ENAH: variants seen among roughly 807,000 people sequenced by gnomAD.
ENAH encodes protein enabled homolog.
In ENAH, 23 loss-of-function variants were observed where a neutral mutation model predicts 78.7. The ratio of observed to expected loss-of-function variants is 0.29; its 90% CI spans 0.21 to 0.41. ENAH has a LOEUF of 0.41. ENAH is among the 10% of genes least tolerant of loss of function. The pLI, the probability that ENAH is intolerant of heterozygous loss-of-function variation, is 1.00. For missense variants in ENAH, 544 were observed against 691.0 expected (o/e 0.79, Z 2.39); for synonymous variants, 226 against 241.0 (o/e 0.94, Z 0.58).
intron 1 of ENAH, among the ~76,000 whole-genome samples, chr1:225,582,041 G>A (rs79229945): frequency 0.044 from 6,656 of 152,078 alleles, 230 homozygotes; most frequent in South Asian, 0.11. Context: ...CCAATGTTGG[G>A]GGTGGGGCCT....
At chr1:225,523,399 G>T (rs2096484145) in intron 4 of ENAH, among the ~76,000 whole-genome samples, 1 of 151,762 alleles carries the variant, frequency 6.6e-6, no homozygotes, top group African/African-American at 2.4e-5. Flanking sequence ...TAAGAAGTTT[G>T]TTCCACATGT....
intron 3 of ENAH, among the ~76,000 whole-genome samples, chr1:225,547,887 G>T (rs1182639112): frequency 2.6e-5 from 4 of 152,154 alleles, no homozygotes; most frequent in African/African-American, 9.7e-5. Context: ...GGCTGCTCCA[G>T]TGAGAAGGCG....
chr1:225,514,463 G>C lies in ENAH; in HGVS notation c.1218+133C>G, dbSNP rs889051377. 4.7e-6 allele frequency: 4 copies of C among 842,342 alleles called. No individual in the cohort carries two copies. In the Admixed American group the frequency reaches 9.4e-5, roughly 20 times the overall value. The allele number at this position is 842,342 out of a possible 1,614,324, so 52.2% of individuals were successfully genotyped here. A position where few individuals can be genotyped will look rare whatever the true frequency, so the allele number is the denominator to read the frequency against. On this transcript the variant is annotated intron_variant, in intron 7 of 13. Transcript: ENST00000366843. ...TATACAGGTATGAGCCATTGCGCCA[G>C]GGTAAATTATTTCAATTTTTTAAAT...
intron 3 of ENAH, among the ~76,000 whole-genome samples, chr1:225,552,428 G>A (rs542974293): frequency 1.3e-5 from 2 of 152,190 alleles, no homozygotes; most frequent in Non-Finnish European, 2.9e-5. Context: ...GTGAGCCACC[G>A]TGCCCGGCCC....
chr1:225,574,933 A>T (rs932141948), intron 1 of ENAH, among the ~76,000 whole-genome samples: 3 of 148,048 alleles, frequency 2.0e-5, no homozygotes, highest in Admixed American at 6.7e-5. Context: ...TATATATATA[A>T]AAAAAAAAAA....
At chr1:225,621,740 G>A (rs1657006813) in intron 1 of ENAH, among the ~76,000 whole-genome samples, 1 of 152,040 alleles carries the variant, frequency 6.6e-6, no homozygotes, top group Non-Finnish European at 1.5e-5. Flanking sequence ...ACCTCTAACT[G>A]AATAAATCCC....
chr1:225,520,577 G>A (rs1336129828), intron 4 of ENAH, among the ~76,000 whole-genome samples: 1 of 152,118 alleles, frequency 6.6e-6, no homozygotes, highest in African/African-American at 2.4e-5. Flanking sequence ...TGTGAAAGTT[G>A]GTCTGGGAGC....
At chr1:225,500,188 C>T (rs2096273916) in intron 12 of ENAH, among the ~76,000 whole-genome samples, 1 of 152,162 alleles carries the variant, frequency 6.6e-6, no homozygotes, top group Admixed American at 6.5e-5. Flanking sequence ...TTAACTTTTC[C>T]AATAGCTTTG....
At chr1:225,577,513 T>C (rs964820461) in intron 1 of ENAH, among the ~76,000 whole-genome samples, 1 of 152,230 alleles carries the variant, frequency 6.6e-6, no homozygotes, top group Non-Finnish European at 1.5e-5. Context: ...AGGCAAAACT[T>C]CCTCTAAAGA....
chr1:225,556,361 T>C (rs1575515244), intron 2 of ENAH, among the ~76,000 whole-genome samples: 1 of 152,220 alleles, frequency 6.6e-6, no homozygotes, highest in Admixed American at 6.5e-5. Context: ...CTACATACTA[T>C]GCAACATTAC....
intron 1 of ENAH, among the ~76,000 whole-genome samples, chr1:225,626,128 G>A (rs1258570553): frequency 1.3e-5 from 2 of 152,158 alleles, no homozygotes; most frequent in African/African-American, 4.8e-5. Context: ...AAAAAATAAA[G>A]CTAAGCAAAT....
intron 1 of ENAH, among the ~76,000 whole-genome samples, chr1:225,603,159 T>C (rs76917957): frequency 1.3e-5 from 2 of 152,118 alleles, no homozygotes; most frequent in East Asian, 1.9e-4. Context: ...GCAAAAACAA[T>C]AGAAATTTGT....
chr1:225,543,075 G>A (rs2096597387), intron 3 of ENAH, among the ~76,000 whole-genome samples: 2 of 151,652 alleles, frequency 1.3e-5, no homozygotes, highest in South Asian at 4.2e-4. Flanking sequence ...AGCCATTGCA[G>A]GGTTATTGCT....
At chr1:225,567,771 GCAAAAACTGCAATTACTTTTGCAC>G (rs2096742097) in intron 1 of ENAH, among the ~76,000 whole-genome samples, 1 of 151,936 alleles carries the variant, frequency 6.6e-6, no homozygotes, top group Non-Finnish European at 1.5e-5. Context: ...TATTTTAATG[GCAAAAACTGCAATTACTTTTGCAC>G]CAACCTAATA....
At chr1:225,562,157 G>A in intron 2 of ENAH, among the ~76,000 whole-genome samples, 1 of 151,956 alleles carries the variant, frequency 6.6e-6, no homozygotes, top group South Asian at 2.1e-4. Context: ...TCCTGAGCTT[G>A]TGATCCACTC....
chr1:225,580,960 C>T (rs1401918168), intron 1 of ENAH, among the ~76,000 whole-genome samples: 1 of 109,604 alleles, frequency 9.1e-6, no homozygotes, highest in African/African-American at 3.4e-5. Context: ...TTCATAAGCT[C>T]CGTGACTTTT....
At chr1:225,651,652 T>TAA (rs1455132250) in intron 1 of ENAH, among the ~76,000 whole-genome samples, 3 of 152,188 alleles carry the variant, frequency 2.0e-5, no homozygotes, top group Non-Finnish European at 4.4e-5. Flanking sequence ...CACAATTGTT[T>TAA]AACCCAAAAG....
upstream of ENAH, chr1:225,653,287 G>T (rs1208560472): frequency 6.6e-6 from 1 of 151,396 alleles, no homozygotes; most frequent in Non-Finnish European, 1.5e-5. The surrounding 1 kb of genome is among the most constrained non-coding windows in gnomAD (Gnocchi z 4.3). Context: ...CGGCGGCCGG[G>T]CCCCCGCCGG....
chr1:225,532,737 T>A (rs1432107709), intron 3 of ENAH, among the ~76,000 whole-genome samples: 1 of 152,150 alleles, frequency 6.6e-6, no homozygotes, highest in East Asian at 1.9e-4. Flanking sequence ...TTTTAAAGCT[T>A]TTTAAAAGCT....
Sources: allele counts gnomAD v4.1 joint callset (sites outside exome capture counted in the v4.1 genomes callset), GRCh38; gene constraint gnomAD v4.1.1; non-coding constraint Gnocchi (gnomAD v3.1); transcripts MANE v1.5; gene names NCBI Gene and HGNC (gene_info 2026-07-23, HGNC 2026-07-21).